The following OR1B1 variants were observed in gnomAD, a reference collection of about 807,000 sequenced individuals.
OR1B1 encodes the protein olfactory receptor 1B1.
For missense variants in OR1B1, 414 were observed against 402.1 expected, an observed-to-expected ratio of 1.03 and a Z score of -0.25; for synonymous variants, 168 against 156.2, an observed-to-expected ratio of 1.08 and a Z score of -0.57.
the OR1B1 span, among the ~76,000 whole-genome samples, chr9:122,642,148 G>C: frequency 6.6e-6 from 1 of 152,176 alleles, no homozygotes; most frequent in South Asian, 2.1e-4. Flanking sequence ...AATGGGAACA[G>C]AAAGGAGAAA....
chr9:122,633,605 AAT>A (rs1830226017), upstream of OR1B1, among the ~76,000 whole-genome samples: 1 of 151,684 alleles, frequency 6.6e-6, no homozygotes, highest in Admixed American at 6.6e-5. Flanking sequence ...TCAATAGCAA[AAT>A]AATAATAATA....
At chr9:122,629,147 T>G (rs1362497016) in exon 1 of OR1B1, 5 of 1,613,498 alleles carry the variant, frequency 3.1e-6, no homozygotes, top group Non-Finnish European at 4.2e-6. Context: ...GTGCAGGGGG[T>G]CACAGATGGC....
chr9:122,635,351 G>C, the OR1B1 span, among the ~76,000 whole-genome samples: 3 of 152,172 alleles, frequency 2.0e-5, no homozygotes, highest in Non-Finnish European at 4.4e-5. Context: ...CTAGAAGGGT[G>C]ATTAGCAGGA....
chr9:122,640,351 C>T, the OR1B1 span, among the ~76,000 whole-genome samples: 1 of 152,106 alleles, frequency 6.6e-6, no homozygotes, highest in East Asian at 1.9e-4. Flanking sequence ...AAGAACATGT[C>T]CAGTTCTAGA....
At chr9:122,631,215 C>T (rs1197624922), upstream of OR1B1, among the ~76,000 whole-genome samples, 1 of 151,230 alleles carries the variant, frequency 6.6e-6, no homozygotes, top group Non-Finnish European at 1.5e-5. Context: ...CTCGTTCTGT[C>T]GCCCAGGCTG....
the OR1B1 span, among the ~76,000 whole-genome samples, chr9:122,652,459 C>T: frequency 1.3e-5 from 2 of 152,140 alleles, no homozygotes; most frequent in Non-Finnish European, 2.9e-5. Context: ...AATTTAAAAC[C>T]CTCACTTTCA....
At chr9:122,629,133 C>T (rs2118806197) in exon 1 of OR1B1, 3 of 1,614,108 alleles carry the variant, frequency 1.9e-6, no homozygotes, top group Non-Finnish European at 1.7e-6. Flanking sequence ...ATTACCAAAG[C>T]ATAGTGCAGG....
At chr9:122,654,391 T>C in the OR1B1 span, among the ~76,000 whole-genome samples, 1 of 152,216 alleles carries the variant, frequency 6.6e-6, no homozygotes, top group East Asian at 1.9e-4. Flanking sequence ...GACCCAGCTG[T>C]TTCCTTCGTG....
chr9:122,629,683 C>CT (rs1433860528), upstream of OR1B1: 1 of 574,526 alleles, frequency 1.7e-6, no homozygotes, highest in Non-Finnish European at 3.1e-6. Context: ...TCTACTCTCC[C>CT]TCCCTAAGGT....
At chr9:122,645,889 A>G in the OR1B1 span, among the ~76,000 whole-genome samples, 1 of 152,298 alleles carries the variant, frequency 6.6e-6, no homozygotes, top group East Asian at 1.9e-4. Flanking sequence ...ACCTAGGAAA[A>G]AACACAGATT....
the OR1B1 span, among the ~76,000 whole-genome samples, chr9:122,652,351 C>G: frequency 6.6e-6 from 1 of 152,124 alleles, no homozygotes; most frequent in East Asian, 1.9e-4. Flanking sequence ...TAAACAGAAT[C>G]TTGAAATTAG....
At chr9:122,655,016 A>C in the OR1B1 span, among the ~76,000 whole-genome samples, 2 of 152,216 alleles carry the variant, frequency 1.3e-5, no homozygotes, top group African/African-American at 2.4e-5. Context: ...AGCATTGCAA[A>C]CATACATCAA....
At chr9:122,631,181 CT>C (rs567689055), upstream of OR1B1, among the ~76,000 whole-genome samples, 2,988 of 146,286 alleles carry the variant, frequency 0.02, 40 homozygotes, top group South Asian at 0.068. Flanking sequence ...AATAATCATA[CT>C]TTTTTTTTTT....
At chr9:122,647,483 A>G in the OR1B1 span, among the ~76,000 whole-genome samples, 1,915 of 152,332 alleles carry the variant, frequency 0.013, 22 homozygotes, top group Non-Finnish European at 0.018. Flanking sequence ...CTAATGATGC[A>G]TCTTAAAGAA....
upstream of OR1B1, among the ~76,000 whole-genome samples, chr9:122,633,205 C>T (rs1271660259): frequency 1.3e-5 from 2 of 151,960 alleles, no homozygotes; most frequent in African/African-American, 4.8e-5. Flanking sequence ...ATAAGAAGAC[C>T]CATTATATAT....
the OR1B1 span, among the ~76,000 whole-genome samples, chr9:122,650,982 G>C: frequency 6.6e-6 from 1 of 151,430 alleles, no homozygotes. Flanking sequence ...CCAAGATCGC[G>C]CTACTGCACT....
chr9:122,637,475 T>C, the OR1B1 span, among the ~76,000 whole-genome samples: 1 of 152,156 alleles, frequency 6.6e-6, no homozygotes, highest in East Asian at 1.9e-4. Flanking sequence ...GAAATTCTCT[T>C]AGGTGGAATG....
At position 122,629,216 on chromosome 9, in the gene OR1B1, T is replaced by C. The variant is rs1021746421; in HGVS notation, c.320A>G (p.Tyr107Cys). Residue 107 changes from tyrosine to cysteine, a missense_variant, in exon 1 of 1, where the codon TAT becomes TGT. By Grantham distance (194) the Tyr-to-Cys change is radical. Transcript: ENST00000623530. Reference sequence around the variant, plus strand: ...AAGTGTATCTGTAACCCCAAATGCATAGAAGAAAAAGAACTGAGCCAAGCA... The same window carrying C: ...AAGTGTATCTGTAACCCCAAATGCACAGAAGAAAAAGAACTGAGCCAAGCA... 2.5e-6 allele frequency: 4 copies of C among 1,613,740 alleles called. No individual in the cohort carries two copies. Among genetic ancestry groups the C allele is most frequent in the East Asian group, 2.2e-5 (1 of 44,850 alleles).
At chr9:122,632,936 C>A (rs143180940), upstream of OR1B1, among the ~76,000 whole-genome samples, 141 of 152,164 alleles carry the variant, frequency 9.3e-4, no homozygotes, top group African/African-American at 1.6e-3. Flanking sequence ...CTGGGGAGAC[C>A]TCACAATCAT....
Sources: allele counts gnomAD v4.1 joint callset (sites outside exome capture counted in the v4.1 genomes callset), GRCh38; gene constraint gnomAD v4.1.1; transcripts MANE v1.5; gene names NCBI Gene and HGNC (gene_info 2026-07-23, HGNC 2026-07-21).